The following ERBB4 variants were observed in gnomAD, a reference collection of about 807,000 sequenced individuals.
ERBB4 encodes receptor tyrosine-protein kinase erbB-4.
ERBB4 carries 42 observed loss-of-function variants against 158.0 expected under a neutral mutation model. The ratio of observed to expected loss-of-function variants is 0.27; its 90% CI spans 0.21 to 0.34. ERBB4 has a LOEUF of 0.34. ERBB4 is among the 10% of genes least tolerant of loss of function. ERBB4 has a pLI of 1.00. For synonymous variants in ERBB4, 583 were observed against 558.7 expected, an observed-to-expected ratio of 1.04 and a Z score of -0.61; for missense variants, 1,333 against 1,624.1, an observed-to-expected ratio of 0.82 and a Z score of 3.08.
At chr2:212,149,314 A>G (rs901914010) in intron 1 of ERBB4, among the ~76,000 whole-genome samples, 1 of 152,186 alleles carries the variant, frequency 6.6e-6, no homozygotes, top group African/African-American at 2.4e-5. Context: ...AAGTTCACAT[A>G]CAGTGACACA....
chr2:211,421,657 C>T (rs2063517139), intron 24 of ERBB4, among the ~76,000 whole-genome samples: 1 of 151,764 alleles, frequency 6.6e-6, no homozygotes, highest in Admixed American at 6.6e-5. Context: ...AATCTGTCTT[C>T]CTTTTGTTCC....
intron 1 of ERBB4, among the ~76,000 whole-genome samples, chr2:212,339,281 G>A (rs928021671): frequency 2.0e-5 from 3 of 152,106 alleles, no homozygotes; most frequent in African/African-American, 7.2e-5. Flanking sequence ...TTCTGTTCCT[G>A]CATTAGTTTG....
chr2:211,928,355 A>G (rs1026249334), intron 3 of ERBB4, among the ~76,000 whole-genome samples: 23 of 152,136 alleles, frequency 1.5e-4, no homozygotes, highest in African/African-American at 5.1e-4. Flanking sequence ...CACTCACCGC[A>G]GGGAATAAAA....
intron 2 of ERBB4, among the ~76,000 whole-genome samples, chr2:212,071,197 C>A (rs956664827): frequency 6.6e-6 from 1 of 151,690 alleles, no homozygotes; most frequent in African/African-American, 2.4e-5. Context: ...AGATATAAAG[C>A]ACTTGATATA....
intron 16 of ERBB4, among the ~76,000 whole-genome samples, chr2:211,643,234 G>A (rs2070664729): frequency 1.3e-5 from 2 of 152,070 alleles, no homozygotes; most frequent in Admixed American, 1.3e-4. Flanking sequence ...TGACCATAGG[G>A]AATTCTGGAA....
chr2:211,861,581 C>T (rs1483922836), intron 3 of ERBB4, among the ~76,000 whole-genome samples: 1 of 151,876 alleles, frequency 6.6e-6, no homozygotes, highest in Non-Finnish European at 1.5e-5. Flanking sequence ...TAAATATTGG[C>T]TAAAGACTAA....
intron 3 of ERBB4, among the ~76,000 whole-genome samples, chr2:211,905,130 G>A (rs1336755317): frequency 6.6e-6 from 1 of 152,058 alleles, no homozygotes; most frequent in Non-Finnish European, 1.5e-5. Context: ...GTCTGAAATG[G>A]GTCTTGCTGG....
chr2:211,428,183 T>C (rs2063672182), intron 22 of ERBB4, among the ~76,000 whole-genome samples: 1 of 151,416 alleles, frequency 6.6e-6, no homozygotes, highest in Non-Finnish European at 1.5e-5. Flanking sequence ...GCAACAAACC[T>C]GCAGGTTCTG....
chr2:212,399,293 T>C (rs1046539941), intron 1 of ERBB4, among the ~76,000 whole-genome samples: 7 of 152,000 alleles, frequency 4.6e-5, no homozygotes, highest in African/African-American at 1.7e-4. Flanking sequence ...TATTTACCAA[T>C]CCTACCTATA....
chr2:212,526,390 A>T (rs6435708), intron 1 of ERBB4, among the ~76,000 whole-genome samples: 25,688 of 151,978 alleles, frequency 0.17, 2,285 homozygotes, highest in African/African-American at 0.23. Flanking sequence ...CTATTTCAAT[A>T]TATCTTGAAG....
chr2:212,277,386 C>A (rs1233231811), intron 1 of ERBB4, among the ~76,000 whole-genome samples: 1 of 150,726 alleles, frequency 6.6e-6, no homozygotes, highest in Non-Finnish European at 1.5e-5. Context: ...TATAATGGAA[C>A]TTGCAACCAC....
intron 3 of ERBB4, among the ~76,000 whole-genome samples, chr2:211,806,954 C>T (rs2105904351): frequency 6.6e-6 from 1 of 152,006 alleles, no homozygotes; most frequent in Non-Finnish European, 1.5e-5. Flanking sequence ...TATCTTTAAA[C>T]AATATTGTTT....
intron 1 of ERBB4, among the ~76,000 whole-genome samples, chr2:212,280,116 A>G (rs1470330862): frequency 2.0e-5 from 3 of 151,610 alleles, no homozygotes; most frequent in Non-Finnish European, 4.4e-5. Context: ...ATAAAATCCT[A>G]AATCACAATG....
intron 20 of ERBB4, among the ~76,000 whole-genome samples, chr2:211,551,831 T>C (rs1013698730): frequency 2.0e-5 from 3 of 152,160 alleles, no homozygotes; most frequent in Non-Finnish European, 4.4e-5. Flanking sequence ...AATGGCTGGA[T>C]TGAATAAGAA....
At chr2:211,844,589 A>C (rs2077548880) in intron 3 of ERBB4, among the ~76,000 whole-genome samples, 1 of 152,318 alleles carries the variant, frequency 6.6e-6, no homozygotes, top group African/African-American at 2.4e-5. Context: ...GAGAAGCTTC[A>C]TAACTTTCTA....
chr2:211,844,888 A>C (rs980984039), intron 3 of ERBB4, among the ~76,000 whole-genome samples: 1 of 152,090 alleles, frequency 6.6e-6, no homozygotes, highest in Non-Finnish European at 1.5e-5. Flanking sequence ...TCTTTTATAG[A>C]CTAATTTATT....
intron 12 of ERBB4, among the ~76,000 whole-genome samples, chr2:211,701,588 C>G (rs2073243047): frequency 6.6e-6 from 1 of 151,686 alleles, no homozygotes; most frequent in South Asian, 2.1e-4. Flanking sequence ...AACCCCATCT[C>G]TACTAAAAAT....
chr2:211,819,640 A>G (rs2076951159), intron 3 of ERBB4, among the ~76,000 whole-genome samples: 1 of 151,966 alleles, frequency 6.6e-6, no homozygotes, highest in Non-Finnish European at 1.5e-5. Context: ...CACTTTCACA[A>G]AGGTCTCAAA....
At chr2:211,914,909 A>T (rs1470085600) in intron 3 of ERBB4, among the ~76,000 whole-genome samples, 1 of 152,118 alleles carries the variant, frequency 6.6e-6, no homozygotes, top group East Asian at 1.9e-4. Context: ...TTTCAGGTCT[A>T]CAGAATGTTA....
Sources: gnomAD v4.1 joint callset for allele counts (sites outside exome capture counted in the v4.1 genomes callset) on GRCh38, gnomAD v4.1.1 for gene constraint, MANE v1.5 for transcripts, NCBI Gene and HGNC (gene_info 2026-07-23, HGNC 2026-07-21) for gene names.